Variants in KANSL1 observed in about 807,000 individuals in gnomAD.
KANSL1 encodes the protein MLL1/MLL complex subunit KANSL1.
Under a neutral mutation model 103.6 loss-of-function variants are expected in KANSL1, and 22 were observed. That is an observed-to-expected ratio of 0.21 (90% CI 0.15 to 0.30). The LOEUF is 0.30. KANSL1 is among the 10% of genes least tolerant of loss of function. KANSL1 has a pLI of 1.00. For missense variants in KANSL1, 1,337 were observed against 1,399.8 expected (o/e 0.96, Z 0.72); for synonymous variants, 600 against 527.6 (o/e 1.14, Z -1.88).
chr17:46,094,338 C>T, intron 3 of KANSL1: 1 of 554,560 alleles, frequency 1.8e-6, no homozygotes, highest in African/African-American at 2.0e-5. Flanking sequence ...CTCAAATGAT[C>T]CTCCTGCCTT....
Position 46,192,429 on chromosome 17 carries a change from G to C in KANSL1, c.-90+394C>G, listed in dbSNP as rs1057523908. 6 of 152,536 alleles carry C rather than the reference G, an allele frequency of 3.9e-5. No individual in the cohort carries two copies. The highest frequency in any genetic ancestry group is 1.4e-4 in the African/African-American group (6 of 41,450). The allele number at this position is 152,536 out of a possible 1,614,324, so 9.4% of individuals were successfully genotyped here. A position where few individuals can be genotyped will look rare whatever the true frequency, so the allele number is the denominator to read the frequency against. On this transcript the variant is annotated intron_variant, in intron 1 of 14. Coordinates refer to ENST00000432791, the MANE Select transcript of KANSL1 (RefSeq NM_015443.4). ...AGTTGTGATACAAACCGTGCAACGC[G>C]CCAAGATGTGTGTTTCGAGCAGAGA...
chr17:46,034,136 G>A, intron 11 of KANSL1, 25 bp downstream of exon 11: 1 of 1,612,130 alleles, frequency 6.2e-7, no homozygotes, highest in African/African-American at 1.3e-5. Context: ...AATGGGGAGA[G>A]GAGCCAACTA....
At chr17:46,079,159 G>A (rs1207582720) in intron 4 of KANSL1, among the ~76,000 whole-genome samples, 2 of 152,050 alleles carry the variant, frequency 1.3e-5, no homozygotes, top group Non-Finnish European at 1.5e-5. Flanking sequence ...TTTGCTCCAT[G>A]ACTCAAAAAA....
At chr17:46,085,905 T>C (rs1000783226) in intron 3 of KANSL1, among the ~76,000 whole-genome samples, 1 of 152,152 alleles carries the variant, frequency 6.6e-6, no homozygotes, top group Non-Finnish European at 1.5e-5. Flanking sequence ...TGGGATTACA[T>C]GTGCAAGCCG....
intron 2 of KANSL1, among the ~76,000 whole-genome samples, chr17:46,139,434 A>C (rs1048359704): frequency 1.3e-5 from 2 of 152,220 alleles, no homozygotes; most frequent in African/African-American, 4.8e-5. Flanking sequence ...TTTCTCTCTA[A>C]CATCAATTTC....
chr17:46,086,526 T>C (rs2079171206), intron 3 of KANSL1, among the ~76,000 whole-genome samples: 1 of 152,166 alleles, frequency 6.6e-6, no homozygotes, highest in African/African-American at 2.4e-5. Flanking sequence ...CCCTAACCCA[T>C]CCTTCAAAGT....
rs1384348928 is a variant in KANSL1 at position 46,213,464 on chromosome 17, CTAA to C, written c.-90+10204_-90+10206del. Among the ~76,000 whole-genome samples, 53 of 148,116 alleles carry C rather than the reference CTAA, an allele frequency of 3.6e-4. No homozygotes were observed. In the East Asian group the frequency reaches 0.011, roughly 32 times the overall value. On this transcript the variant is annotated intron_variant, in intron 1 of 14. Coordinates refer to the KANSL1 transcript ENST00000572904. ...TACAGGCACCCAACACCACGCCCGG[CTAA>C]TTTTTTTTTTTTTTTTTTTTTTAGT...
In KANSL1 at chr17:46,034,196, T is replaced by C. The variant is rs1330933410; in HGVS notation, c.2631A>G (p.Val877=). Residue 877 remains valine (V), a synonymous_variant, in exon 11 of 15, where the codon GTA becomes GTG. Coordinates refer to ENST00000432791, the MANE Select transcript of KANSL1 (RefSeq NM_015443.4). ...IPMSVAATTR[V]EKLQYKEILT... ...GGATTTCCTTGTATTGCAGTTTCTC[T>C]ACGCGAGTTGTTGCAGCAACAGACA... The C allele has an allele frequency of 1.9e-6, 3 of 1,614,064 alleles. No homozygotes were observed. Among genetic ancestry groups the C allele is most frequent in the Non-Finnish European group, 2.5e-6 (3 of 1,179,994 alleles).
chr17:46,205,482 G>T (rs1377550064), intron 1 of KANSL1, among the ~76,000 whole-genome samples: 2 of 151,928 alleles, frequency 1.3e-5, no homozygotes, highest in Non-Finnish European at 2.9e-5. Flanking sequence ...AGGAGTTCAA[G>T]ACTAGCCTAG....
intron 2 of KANSL1, among the ~76,000 whole-genome samples, chr17:46,144,998 C>G (rs2044623404): frequency 6.6e-6 from 1 of 152,204 alleles, no homozygotes. Flanking sequence ...GTTTCTGATT[C>G]TTAACAGTGA....
chr17:46,176,118 G>A (rs1406218450), intron 1 of KANSL1, among the ~76,000 whole-genome samples: 1 of 152,222 alleles, frequency 6.6e-6, no homozygotes, highest in African/African-American at 2.4e-5. Flanking sequence ...AATACAACAT[G>A]TGAAGAGTAA....
upstream of KANSL1, among the ~76,000 whole-genome samples, chr17:46,225,109 G>A (rs2148083763): frequency 6.6e-6 from 1 of 151,912 alleles, no homozygotes; most frequent in Admixed American, 6.6e-5. Context: ...GCGCTGGGCG[G>A]GGGTCCCCGT....
chr17:46,219,705 T>C (rs1325944231), intron 1 of KANSL1, among the ~76,000 whole-genome samples: 1 of 152,258 alleles, frequency 6.6e-6, no homozygotes, highest in Non-Finnish European at 1.5e-5. Flanking sequence ...AGTTCAATAC[T>C]AGAAATATAC....
intron 1 of KANSL1, among the ~76,000 whole-genome samples, chr17:46,178,758 A>G (rs886184218): frequency 6.6e-6 from 1 of 152,246 alleles, no homozygotes; most frequent in African/African-American, 2.4e-5. Flanking sequence ...ATCATACTGA[A>G]TATGCAAATG....
chr17:46,060,492 GCA>G (rs1490135064), intron 6 of KANSL1, among the ~76,000 whole-genome samples: 1 of 152,182 alleles, frequency 6.6e-6, no homozygotes, highest in Non-Finnish European at 1.5e-5. Flanking sequence ...ACTGTTCCAA[GCA>G]CAGAGTGATT....
intron 1 of KANSL1, among the ~76,000 whole-genome samples, chr17:46,191,292 A>C (rs1399852205): frequency 6.6e-6 from 1 of 152,246 alleles, no homozygotes; most frequent in Non-Finnish European, 1.5e-5. Context: ...ATTACTACTC[A>C]AAAGTATTCA....
At chr17:46,106,904 C>T (rs371377665) in intron 2 of KANSL1, among the ~76,000 whole-genome samples, 1 of 152,194 alleles carries the variant, frequency 6.6e-6, no homozygotes, top group African/African-American at 2.4e-5. Flanking sequence ...TATTCTTTCT[C>T]CCAGCTCATC....
intron 2 of KANSL1, among the ~76,000 whole-genome samples, chr17:46,130,690 C>T (rs1267038685): frequency 6.6e-6 from 1 of 152,200 alleles, no homozygotes; most frequent in Non-Finnish European, 1.5e-5. Context: ...TGTAATGCTG[C>T]CTTAGAACTC....
chr17:46,223,508 C>G (rs1161255360), intron 1 of KANSL1: 1 of 146,520 alleles, frequency 6.8e-6, no homozygotes, highest in African/African-American at 2.4e-5. Flanking sequence ...AGTAGAGATA[C>G]AAAGTAAAAT....
Sources: gnomAD v4.1 joint callset for allele counts (sites outside exome capture counted in the v4.1 genomes callset) on GRCh38, gnomAD v4.1.1 for gene constraint, MANE v1.5 for transcripts, NCBI Gene and HGNC (gene_info 2026-07-23, HGNC 2026-07-21) for gene names.